TMEM144: variants seen among roughly 807,000 people sequenced by gnomAD.
The protein encoded by TMEM144 is transmembrane protein 144.
Under a neutral mutation model 43.6 loss-of-function variants are expected in TMEM144, and 39 were observed. The observed-to-expected ratio is 0.90, with a 90% CI of 0.69 to 1.17. The LOEUF (loss-of-function observed/expected upper bound fraction) is 1.17, where lower values mean the gene tolerates loss of function less well. Ranked by LOEUF, TMEM144 falls within the 50% of genes most tolerant of loss-of-function variation. TMEM144 has a pLI of 0.00. For synonymous variants in TMEM144, 154 were observed against 133.6 expected (o/e 1.15, Z -1.06); for missense variants, 417 against 411.9 (o/e 1.01, Z -0.11).
At chr4:158,224,757 G>C (rs1734677813) in intron 6 of TMEM144, among the ~76,000 whole-genome samples, 1 of 152,144 alleles carries the variant, frequency 6.6e-6, no homozygotes, top group Non-Finnish European at 1.5e-5. Context: ...GCGTGGACCA[G>C]TCAGCTTCTG....
chr4:158,215,162 C>T, intron 3 of TMEM144, 29 bp from the exon 4 acceptor site: 1 of 1,612,746 alleles, frequency 6.2e-7, no homozygotes, highest in Non-Finnish European at 8.5e-7. Flanking sequence ...TCAATTTGAA[C>T]CACTAACACT....
chr4:158,244,602 G>A lies in TMEM144; in HGVS notation c.954+253G>A, dbSNP rs985821229. On this transcript the variant is annotated intron_variant, in intron 12 of 12. Coordinates refer to ENST00000296529, the MANE Select transcript of TMEM144 (RefSeq NM_018342.5). ...AGAGAATTGCTTGAACCCGGGAGGC[G>A]GAGGTTGCAGTGAGTCAAGATCACG... Among the ~76,000 whole-genome samples the A allele has an allele frequency of 1.7e-4, 26 of 152,108 alleles. 1 individual carries two copies. Among genetic ancestry groups the A allele is most frequent in the African/African-American group, 5.1e-4 (21 of 41,412 alleles).
intron 6 of TMEM144, among the ~76,000 whole-genome samples, chr4:158,231,505 G>A (rs1735077552): frequency 6.6e-6 from 1 of 152,170 alleles, no homozygotes; most frequent in Non-Finnish European, 1.5e-5. Flanking sequence ...AGATTACATT[G>A]TGGCAAATGG....
intron 11 of TMEM144, among the ~76,000 whole-genome samples, chr4:158,243,964 T>C (rs1021157459): frequency 1.3e-5 from 2 of 152,202 alleles, no homozygotes; most frequent in Non-Finnish European, 2.9e-5. Context: ...ATCCCATTTC[T>C]AGTATCCTAA....
chr4:158,225,265 G>T (rs1021604348), intron 6 of TMEM144, among the ~76,000 whole-genome samples: 2 of 152,164 alleles, frequency 1.3e-5, no homozygotes, highest in African/African-American at 4.8e-5. Context: ...CTATAGTCTG[G>T]GTTAAAACTC....
At chr4:158,251,807 C>T (rs1382677808) in intron 12 of TMEM144, among the ~76,000 whole-genome samples, 3 of 152,154 alleles carry the variant, frequency 2.0e-5, no homozygotes, top group Non-Finnish European at 4.4e-5. Flanking sequence ...AAAATAGGAA[C>T]CCCAACCCCC....
rs1250609458 is a variant in TMEM144 at position 158,252,831 on chromosome 4, G to GA, written c.955-604dup. Among the ~76,000 whole-genome samples the GA allele has an allele frequency of 5.3e-3, 781 of 147,434 alleles. 8 individuals are homozygous for GA. The highest frequency in any genetic ancestry group is 0.018 in the African/African-American group (745 of 40,300). ...TCAAAAAAAAAAAAAAAGAAAAAAA[G>GA]AAAAAAAAATAGAACCCAAAGCATA... On this transcript the variant is annotated intron_variant, in intron 12 of 12. Coordinates refer to ENST00000296529, the MANE Select transcript of TMEM144 (RefSeq NM_018342.5).
At chr4:158,220,083 T>TAGGATAGTACTGCCTTTCTA (rs1734437409) in intron 6 of TMEM144, among the ~76,000 whole-genome samples, 2 of 152,340 alleles carry the variant, frequency 1.3e-5, no homozygotes, top group South Asian at 4.1e-4. Flanking sequence ...CTTCACATAA[T>TAGGATAGTACTGCCTTTCTA]GGATAGTACT....
At position 158,254,772 on chromosome 4, in the gene TMEM144, A is replaced by C. The variant is rs1199143290; in HGVS notation, c.*1245A>C. On this transcript the variant is annotated 3_prime_UTR_variant, in exon 13 of 13. Transcript: ENST00000296529. ...ATTACTTTGCTATGCAGGAGAAACA[A>C]AACAGCTTTTTATTTGTGTGTATAC... 6.6e-6 allele frequency: 1 copy of C among 152,176 alleles called. No individual in the cohort carries two copies. Among genetic ancestry groups the C allele is most frequent in the Admixed American group, 6.5e-5 (1 of 15,272 alleles). The allele number at this position is 152,176 out of a possible 1,614,324, so 9.4% of individuals were successfully genotyped here.
At chr4:158,235,556 A>C in intron 8 of TMEM144, 51 bp downstream of exon 8, 1 of 1,533,168 alleles carries the variant, frequency 6.5e-7, no homozygotes, top group Non-Finnish European at 8.9e-7. Context: ...TATTTGGTTA[A>C]AGCAGGGATT....
intron 9 of TMEM144, 128 bp from the exon 10 acceptor site, chr4:158,240,171 C>T: frequency 9.3e-7 from 1 of 1,070,446 alleles, no homozygotes; most frequent in Non-Finnish European, 1.3e-6. Context: ...AGGTGTGAGC[C>T]ACTGCGCTCT....
chr4:158,231,424 C>A (rs76852354), intron 6 of TMEM144, among the ~76,000 whole-genome samples: 1 of 151,992 alleles, frequency 6.6e-6, no homozygotes, highest in South Asian at 2.1e-4. Context: ...GCCGAAGTGC[C>A]GTAATTTGGG....
At chr4:158,247,483 AAATT>A (rs1238654052) in intron 12 of TMEM144, among the ~76,000 whole-genome samples, 1 of 152,112 alleles carries the variant, frequency 6.6e-6, no homozygotes, top group Non-Finnish European at 1.5e-5. Context: ...CAAAAATTAA[AAATT>A]AAAATAAAAA....
chr4:158,217,463 A>T, intron 5 of TMEM144, 43 bp downstream of exon 5: 1 of 1,357,066 alleles, frequency 7.4e-7, no homozygotes. Flanking sequence ...TCCTGCATCC[A>T]TATTCTATGT....
intron 6 of TMEM144, among the ~76,000 whole-genome samples, chr4:158,221,880 C>T (rs1364252356): frequency 1.3e-5 from 2 of 152,194 alleles, no homozygotes; most frequent in African/African-American, 2.4e-5. Flanking sequence ...CTGATCAGCA[C>T]TTTGCCAACA....
At chr4:158,235,673 G>A in intron 8 of TMEM144, 168 bp downstream of exon 8, 1 of 529,092 alleles carries the variant, frequency 1.9e-6, no homozygotes, top group Non-Finnish European at 3.2e-6. Flanking sequence ...TGAATTTTAG[G>A]TACAGATGCC....
Position 158,237,621 on chromosome 4 carries a change from A to G in TMEM144, c.660A>G (p.Ile220Met). Residue 220 changes from isoleucine (I) to methionine (M), a missense_variant, in exon 9 of 13, where the codon ATA (isoleucine) becomes ATG (methionine). Physicochemically the swap from Ile to Met is conservative, Grantham distance 10 (BLOSUM62 1). Coordinates refer to ENST00000296529, the MANE Select transcript of TMEM144 (RefSeq NM_018342.5). ...IKDHSKRNDS[I>M]YAGASQYDLD... The stretch of plus-strand genomic sequence containing the variant: ...ACCACAGCAAAAGAAATGATAGTAT[A>G]TATGCAGGGGCAAGCCAATATGGTG... 6.2e-7 allele frequency: 1 copy of G among 1,613,276 alleles called. No individual in the cohort carries two copies. Among genetic ancestry groups the G allele is most frequent in the Non-Finnish European group, 8.5e-7 (1 of 1,179,402 alleles).
At position 158,250,704 on chromosome 4, in the gene TMEM144, G is replaced by GT. The variant is rs201013235; in HGVS notation, c.955-2737dup. 5.6e-3 allele frequency among the ~76,000 whole-genome samples: 851 copies of GT among 152,300 alleles called. 11 individuals are homozygous for GT. Among genetic ancestry groups the GT allele is most frequent in the African/African-American group, 0.02 (816 of 41,568 alleles). On this transcript the variant is annotated intron_variant, in intron 12 of 12. Coordinates refer to ENST00000296529, the MANE Select transcript of TMEM144 (RefSeq NM_018342.5). ...GCATGGCCTGGCTGTAGGAACCCAA[G>GT]TTTGGTGCATGTTCTTCACTGAGTC...
chr4:158,216,201 T>C (rs1734213164), intron 4 of TMEM144, among the ~76,000 whole-genome samples: 1 of 152,154 alleles, frequency 6.6e-6, no homozygotes. Context: ...CAGCTCTTTA[T>C]AGCCACCAGA....
Sources: allele counts gnomAD v4.1 joint callset (sites outside exome capture counted in the v4.1 genomes callset), GRCh38; gene constraint gnomAD v4.1.1; transcripts MANE v1.5; gene names NCBI Gene and HGNC (gene_info 2026-07-23, HGNC 2026-07-21).